ANKS1B: variants seen among roughly 807,000 people sequenced by gnomAD.
ANKS1B encodes the protein ankyrin repeat and sterile alpha motif domain-containing protein 1B.
A neutral mutation model predicts 148.3 loss-of-function variants in ANKS1B; 36 were observed. The ratio of observed to expected loss-of-function variants is 0.24; its 90% CI spans 0.19 to 0.32. The LOEUF (loss-of-function observed/expected upper bound fraction) is 0.32, where lower values mean the gene tolerates loss of function less well. Among genes scored for constraint, ANKS1B ranks in the 10% least tolerant of loss-of-function variants. The pLI, the probability that ANKS1B is intolerant of heterozygous loss-of-function variation, is 1.00. For missense variants in ANKS1B, 1,157 were observed against 1,542.6 expected, an observed-to-expected ratio of 0.75 and a Z score of 4.19; for synonymous variants, 542 against 560.8, an observed-to-expected ratio of 0.97 and a Z score of 0.47.
At chr12:99,647,292 C>A (rs1056785532) in intron 9 of ANKS1B, among the ~76,000 whole-genome samples, 1 of 151,964 alleles carries the variant, frequency 6.6e-6, no homozygotes, top group African/African-American at 2.4e-5. Context: ...GCAGACTGTC[C>A]CGTCACAGAA....
intron 8 of ANKS1B, among the ~76,000 whole-genome samples, chr12:99,677,978 A>T (rs1444082936): frequency 6.6e-6 from 1 of 152,190 alleles, no homozygotes; most frequent in Non-Finnish European, 1.5e-5. Context: ...GTCTCAAAAA[A>T]AAATTTTTTT....
At chr12:99,193,794 T>TC (rs2081050489) in intron 14 of ANKS1B, among the ~76,000 whole-genome samples, 1 of 27,262 alleles carries the variant, frequency 3.7e-5, no homozygotes, top group African/African-American at 1.4e-4. Context: ...TTTCTAGTTC[T>TC]TTTTTTTTTT....
intron 12 of ANKS1B, among the ~76,000 whole-genome samples, chr12:99,269,852 C>T (rs546047102): frequency 6.6e-6 from 1 of 152,134 alleles, no homozygotes; most frequent in Non-Finnish European, 1.5e-5. Context: ...AGCCACTGCA[C>T]CCGGCCGACT....
intron 14 of ANKS1B, among the ~76,000 whole-genome samples, chr12:99,224,101 AT>A (rs978900749): frequency 2.5e-4 from 37 of 148,644 alleles, no homozygotes; most frequent in South Asian, 1.9e-3. Context: ...TATTTTTTAA[AT>A]TTTTTTTTTT....
intron 9 of ANKS1B, among the ~76,000 whole-genome samples, chr12:99,590,329 A>G (rs1202151132): frequency 6.6e-6 from 1 of 151,822 alleles, no homozygotes; most frequent in Non-Finnish European, 1.5e-5. Flanking sequence ...CAAAAAAGGC[A>G]TAGTCCTTAC....
At chr12:99,265,677 T>C (rs2076377372) in intron 12 of ANKS1B, among the ~76,000 whole-genome samples, 1 of 152,168 alleles carries the variant, frequency 6.6e-6, no homozygotes, top group Admixed American at 6.5e-5. Flanking sequence ...TTCTCACAGT[T>C]GTCCTCATTA....
chr12:99,674,818 C>T (rs1456981304), intron 8 of ANKS1B, among the ~76,000 whole-genome samples: 1 of 151,520 alleles, frequency 6.6e-6, no homozygotes, highest in Non-Finnish European at 1.5e-5. Context: ...AACATTAATA[C>T]TAAAATTCTA....
At chr12:99,982,149 CAT>C (rs1179686046) in intron 1 of ANKS1B, among the ~76,000 whole-genome samples, 2 of 152,066 alleles carry the variant, frequency 1.3e-5, no homozygotes, top group African/African-American at 2.4e-5. Flanking sequence ...CTAATAAACA[CAT>C]GTTGTTTACT....
At chr12:99,618,362 G>C (rs2097998314) in intron 9 of ANKS1B, among the ~76,000 whole-genome samples, 1 of 152,138 alleles carries the variant, frequency 6.6e-6, no homozygotes, top group Non-Finnish European at 1.5e-5. Context: ...TCTCTATACT[G>C]CGTTTTTTCC....
At chr12:99,648,938 T>C (rs906445920) in intron 9 of ANKS1B, 1 of 1,160,866 alleles carries the variant, frequency 8.6e-7, no homozygotes, top group Admixed American at 2.9e-5. Flanking sequence ...TTGGAGGCCA[T>C]GGTACATTGA....
At chr12:99,023,501 C>A (rs1202556636) in intron 17 of ANKS1B, among the ~76,000 whole-genome samples, 1 of 152,036 alleles carries the variant, frequency 6.6e-6, no homozygotes, top group Non-Finnish European at 1.5e-5. Context: ...TCCTCCTGCT[C>A]TTCCTCCTTC....
At chr12:99,504,942 T>TC (rs1238938755) in intron 9 of ANKS1B, among the ~76,000 whole-genome samples, 1 of 152,062 alleles carries the variant, frequency 6.6e-6, no homozygotes, top group South Asian at 2.1e-4. Context: ...TCAACAGTCA[T>TC]CCCCAAGACT....
intron 17 of ANKS1B, among the ~76,000 whole-genome samples, chr12:98,879,843 CAT>C (rs1380242795): frequency 3.9e-5 from 6 of 152,158 alleles, no homozygotes; most frequent in African/African-American, 1.2e-4. Context: ...CACATGCACA[CAT>C]ATGATTAGAA....
intron 10 of ANKS1B, among the ~76,000 whole-genome samples, chr12:99,477,682 T>C (rs2096347305): frequency 6.6e-6 from 1 of 152,240 alleles, no homozygotes; most frequent in African/African-American, 2.4e-5. Flanking sequence ...TATCCATTGT[T>C]ACTATCATAG....
At chr12:98,886,427 T>C (rs577724457) in intron 17 of ANKS1B, among the ~76,000 whole-genome samples, 1 of 152,188 alleles carries the variant, frequency 6.6e-6, no homozygotes, top group Non-Finnish European at 1.5e-5. Flanking sequence ...AAAGGACTCA[T>C]GTACCATGAA....
At chr12:99,708,793 G>C (rs568320471) in intron 8 of ANKS1B, among the ~76,000 whole-genome samples, 1 of 151,900 alleles carries the variant, frequency 6.6e-6, no homozygotes, top group Admixed American at 6.6e-5. Context: ...ATCTGCAAAG[G>C]CTCTTTTGCT....
At chr12:99,669,148 A>C (rs915440218) in intron 8 of ANKS1B, among the ~76,000 whole-genome samples, 1 of 152,038 alleles carries the variant, frequency 6.6e-6, no homozygotes, top group Admixed American at 6.6e-5. Context: ...CATGTTCATG[A>C]CTTTCATTTT....
At chr12:99,361,670 CT>C (rs1232817543) in intron 12 of ANKS1B, among the ~76,000 whole-genome samples, 5 of 151,906 alleles carry the variant, frequency 3.3e-5, no homozygotes, top group Non-Finnish European at 5.9e-5. Flanking sequence ...TTCAGTGAAT[CT>C]TGTCTGTTTC....
At chr12:99,324,087 A>G (rs922073774) in intron 12 of ANKS1B, among the ~76,000 whole-genome samples, 3 of 152,170 alleles carry the variant, frequency 2.0e-5, no homozygotes, top group Non-Finnish European at 2.9e-5. Flanking sequence ...ATCATAAGCA[A>G]TGATATCTAT....
Sources: allele counts gnomAD v4.1 joint callset (sites outside exome capture counted in the v4.1 genomes callset), GRCh38; gene constraint gnomAD v4.1.1; transcripts MANE v1.5; gene names NCBI Gene and HGNC (gene_info 2026-07-23, HGNC 2026-07-21).